Variants in SYNM observed in about 807,000 individuals in gnomAD.
The protein encoded by SYNM is synemin, also known as desmuslin.
In SYNM, 95 loss-of-function variants were observed where a neutral mutation model predicts 104.0. The observed-to-expected ratio is 0.91, with a 90% CI of 0.77 to 1.08. The LOEUF is 1.08. Ranked by LOEUF, SYNM falls within the 50% of genes least tolerant of loss-of-function variation. SYNM has a pLI of 0.00. For missense variants in SYNM, 2,150 were observed against 2,052.2 expected, an observed-to-expected ratio of 1.05 and a Z score of -0.92; for synonymous variants, 918 against 869.0, an observed-to-expected ratio of 1.06 and a Z score of -0.99.
chr15:99,138,150 G>A (rs1211316219), downstream of SYNM: 2 of 1,610,636 alleles, frequency 1.2e-6, no homozygotes, highest in East Asian at 2.2e-5. Flanking sequence ...AGAGGGTGGG[G>A]TGAGTGTGGT....
At position 99,131,856 on chromosome 15, in the gene SYNM, G is replaced by T. The variant is rs184591529; in HGVS notation, c.3496G>T (p.Gly1166Ter). Residue 1166 changes from glycine (G) to a stop codon, truncating the protein, a stop_gained, in exon 4 of 4, where the codon GGA becomes TGA. Coordinates refer to ENST00000336292, the MANE Select transcript of SYNM (RefSeq NM_145728.3). LOFTEE classifies it high-confidence loss of function. The surrounding 1 kb of genome is among the most constrained non-coding windows in gnomAD (Gnocchi z 4.3). ...CCTAAGTCAGGCAGCGAGCCCGACC[G>T]GAGCCAGCCGGTCTGTGAGGCATGT... The part of the protein sequence containing the change: ...GDLSQAASPT[G>*]ASRSVRHVTL... The T allele has an allele frequency of 1.9e-6, 3 of 1,613,742 alleles. No homozygotes were observed. Among genetic ancestry groups the T allele is most frequent in the Non-Finnish European group, 2.5e-6 (3 of 1,179,904 alleles).
intron 2 of SYNM, 112 bp downstream of exon 2, chr15:99,113,827 C>G: frequency 6.8e-7 from 1 of 1,466,698 alleles, no homozygotes; most frequent in Non-Finnish European, 9.1e-7. Context: ...GGCTTTGTGA[C>G]AAGCAGAGAG....
chr15:99,132,624 CCCGTGT>C lies in SYNM; in HGVS notation c.4267_4272del (p.Val1423_Ser1424del). 6.2e-7 allele frequency: 1 copy of C among 1,614,022 alleles called. No individual in the cohort carries two copies. Among genetic ancestry groups the C allele is most frequent in the Non-Finnish European group, 8.5e-7 (1 of 1,179,900 alleles). On this transcript the variant is annotated inframe_deletion, in exon 4 of 4. Coordinates refer to ENST00000336292, the MANE Select transcript of SYNM (RefSeq NM_145728.3). ...CTCTGAACACATTGCCATCCGTGGA[CCCGTGT>C]CCAGAACATTTGTGCTTGCTGGTTC...
At chr15:99,127,067 G>A (rs1301762602) in intron 3 of SYNM, among the ~76,000 whole-genome samples, 1 of 152,202 alleles carries the variant, frequency 6.6e-6, no homozygotes, top group Non-Finnish European at 1.5e-5. Flanking sequence ...GGCAGTGTGA[G>A]GGCGAGCAGG....
chr15:99,129,907 T>G lies in SYNM; in HGVS notation c.1547T>G (p.Ile516Ser), dbSNP rs1555485489. Residue 516 changes from isoleucine (I) to serine (S), a missense_variant, in exon 4 of 4, where the codon ATC becomes AGC. Physicochemically the swap from Ile to Ser is moderately radical, Grantham distance 142. Transcript: ENST00000336292. ...CAAGAAAGAAACAGACCAGAAACCA[T>G]CCGAACAAAGCCAGAAGAGAAAATG... is the stretch of plus-strand genomic sequence containing the variant. The part of the protein sequence containing the change: ...REQERNRPET[I>S]RTKPEEKMFD... 6.2e-7 allele frequency: 1 copy of G among 1,612,178 alleles called. No homozygotes were observed. Among genetic ancestry groups the G allele is most frequent in the Admixed American group, 1.7e-5 (1 of 59,736 alleles).
At position 99,132,180 on chromosome 15, in the gene SYNM, A is replaced by G; in HGVS notation, c.3820A>G (p.Ser1274Gly). The change falls in exon 4 of 4, where the codon AGT (serine) becomes GGT (glycine). Residue 1274 changes from serine (S) to glycine (G), a missense_variant. Coordinates refer to ENST00000336292, the MANE Select transcript of SYNM (RefSeq NM_145728.3). ...QLQLGPKEGF[S>G]GQIQFTAPLS... ...CCAGTTAGGCCCTAAAGAAGGGTTC[A>G]GTGGGCAAATCCAGTTCACAGCTCC... 1 of 1,613,950 alleles carries G rather than the reference A, an allele frequency of 6.2e-7. No homozygotes were observed. The highest frequency in any genetic ancestry group is 1.1e-5 in the South Asian group (1 of 91,080).
chr15:99,123,303 G>GGTT (rs2067418145), intron 2 of SYNM, among the ~76,000 whole-genome samples: 1 of 145,938 alleles, frequency 6.9e-6, no homozygotes, highest in South Asian at 2.2e-4. Context: ...TGATTATCTG[G>GGTT]TTTTTTTTTT....
Position 99,132,508 on chromosome 15 carries a change from A to G in SYNM, c.4148A>G (p.Asp1383Gly), listed in dbSNP as rs782073123. ...QSVVSESPQE[D>G]SAEDTSGAEM... The stretch of plus-strand genomic sequence containing the variant: ...GTCGTTTCTGAATCTCCCCAGGAGG[A>G]TAGTGCAGAGGACACATCAGGGGCA... Residue 1383 changes from aspartate (D) to glycine (G), a missense_variant, in exon 4 of 4, where the codon GAT (aspartate) becomes GGT (glycine). By Grantham distance (94) the Asp-to-Gly change is moderately conservative. Coordinates refer to ENST00000336292, the MANE Select transcript of SYNM (RefSeq NM_145728.3). 40 of 1,614,032 alleles carry G rather than the reference A, an allele frequency of 2.5e-5. No homozygotes were observed. In the Middle Eastern group the frequency reaches 4.9e-4, roughly 20 times the overall value.
Position 99,105,799 on chromosome 15 carries a change from G to T in SYNM, c.600G>T (p.Gln200His). ...LVAESWRETV[Q>H]LYEDEVRELE... ...CCGAGTCGTGGCGGGAGACGGTGCA[G>T]CTGTACGAGGACGAGGTGCGCGAGC... Residue 200 changes from glutamine (Q) to histidine (H), a missense_variant, in exon 1 of 4, where the codon CAG becomes CAT. By Grantham distance (24) the Gln-to-His change is conservative. Transcript: ENST00000336292. 6.5e-7 allele frequency: 1 copy of T among 1,542,028 alleles called. No homozygotes were observed. Among genetic ancestry groups the T allele is most frequent in the Non-Finnish European group, 8.7e-7 (1 of 1,145,282 alleles).
In SYNM at chr15:99,105,161, G is replaced by T. The variant is rs782024622; in HGVS notation, c.-39G>T. 6.4e-7 allele frequency: 1 copy of T among 1,554,950 alleles called. No homozygotes were observed. On this transcript the variant is annotated 5_prime_UTR_variant, in exon 1 of 4. Coordinates refer to ENST00000336292, the MANE Select transcript of SYNM (RefSeq NM_145728.3). ...GACCGGGACAAGACCAGGGCAGGAG[G>T]GAGCCGGCCAGCCGCGAGAACCCCG...
At chr15:99,123,200 G>A (rs2067417027) in intron 2 of SYNM, among the ~76,000 whole-genome samples, 1 of 152,072 alleles carries the variant, frequency 6.6e-6, no homozygotes, top group Non-Finnish European at 1.5e-5. Context: ...ACTAGGAAGT[G>A]GCAGGTCTCA....
chr15:99,132,575 AC>A lies in SYNM; in HGVS notation c.4216del (p.Leu1406Ter). On this transcript the variant is annotated frameshift_variant, in exon 4 of 4. Transcript: ENST00000336292. LOFTEE classifies it high-confidence loss of function. ...GVSRSFRHIR[L>X]GPTETETSEH... The stretch of plus-strand genomic sequence containing the variant: ...TTAGCAGATCCTTTAGGCACATTCG[AC>A]TAGGTCCTACAGAAACGGAAACCTC... 6.2e-7 allele frequency: 1 copy of A among 1,614,016 alleles called. No individual in the cohort carries two copies. The highest frequency in any genetic ancestry group is 8.5e-7 in the Non-Finnish European group (1 of 1,179,884).
At chr15:99,136,366 C>CT (rs2151814352), downstream of SYNM, 1 of 152,402 alleles carries the variant, frequency 6.6e-6, no homozygotes, top group South Asian at 2.1e-4. Flanking sequence ...GGCATGGACT[C>CT]TCAGTTCAGG....
At chr15:99,139,592 C>G (rs2067981213), downstream of SYNM, 1 of 1,535,072 alleles carries the variant, frequency 6.5e-7, no homozygotes, top group African/African-American at 1.4e-5. Flanking sequence ...CAAAAGTGAA[C>G]AGTTTTAGCA....
In SYNM at chr15:99,105,281, C is replaced by A. The variant is rs1284913197; in HGVS notation, c.82C>A (p.Arg28=). The A allele has an allele frequency of 3.2e-6, 5 of 1,557,158 alleles. No homozygotes were observed. Among genetic ancestry groups the A allele is most frequent in the Non-Finnish European group, 4.3e-6 (5 of 1,151,536 alleles). The change falls in exon 1 of 4, where the codon CGG becomes AGG. Residue 28 remains arginine (R), a synonymous_variant. Transcript: ENST00000336292. ...CGCCCGGCTCTATGACTACGTGTGTCGGGTGCGGGAGCTGGAGCGCGAAAA... is the reference window on the plus strand; with the variant it reads ...CGCCCGGCTCTATGACTACGTGTGTAGGGTGCGGGAGCTGGAGCGCGAAAA... The part of the protein sequence containing the change: ...LNARLYDYVC[R]VRELERENLL...
intron 3 of SYNM, chr15:99,129,071 G>T: frequency 2.8e-6 from 1 of 352,022 alleles, no homozygotes; most frequent in Non-Finnish European, 5.2e-6. Context: ...GACCTCTCTG[G>T]GATATGCATT....
rs781788715 is a variant in SYNM, at chr15:99,106,004, C to T, written c.805C>T (p.Arg269Trp). The change falls in exon 1 of 4, where the codon CGG (arginine) becomes TGG (tryptophan). Residue 269 changes from arginine (R) to tryptophan (W), a missense_variant. By Grantham distance (101) the Arg-to-Trp change is moderately radical. Coordinates refer to ENST00000336292, the MANE Select transcript of SYNM (RefSeq NM_145728.3). ...REEYGIQAEE[R>W]QRVIDCLEDE... is the part of the protein sequence containing the mutation. ...GGAGTACGGGATACAGGCCGAGGAG[C>T]GGCAGGTCCGTGCGCGGGGATGGCG... 2 of 1,458,728 alleles carry T rather than the reference C, an allele frequency of 1.4e-6. No individual in the cohort carries two copies. Among genetic ancestry groups the T allele is most frequent in the Admixed American group, 2.4e-5 (1 of 42,198 alleles). The allele number at this position is 1,458,728 out of a possible 1,614,324, so 90.4% of individuals were successfully genotyped here. A position where few individuals can be genotyped will look rare whatever the true frequency, so the allele number is the denominator to read the frequency against.
At position 99,131,510 on chromosome 15, in the gene SYNM, A is replaced by C; in HGVS notation, c.3150A>C (p.Pro1050=). The change falls in exon 4 of 4, where the codon CCA becomes CCC. Residue 1050 remains proline (P), a synonymous_variant. Transcript: ENST00000336292. The surrounding 1 kb of genome is among the most constrained non-coding windows in gnomAD (Gnocchi z 4.3). The part of the protein sequence containing the change: ...SRQRSPAPGS[P]DEEGGAEAPA... ...AACGCAGCCCAGCGCCTGGCAGCCCAGATGAGGAAGGTGGAGCGGAGGCCC... is the reference window on the plus strand; with the variant it reads ...AACGCAGCCCAGCGCCTGGCAGCCCCGATGAGGAAGGTGGAGCGGAGGCCC... 6.2e-7 allele frequency: 1 copy of C among 1,607,208 alleles called. No individual in the cohort carries two copies. The highest frequency in any genetic ancestry group is 8.5e-7 in the Non-Finnish European group (1 of 1,179,628).
chr15:99,134,745 G>A lies in SYNM; in HGVS notation c.*1687G>A, dbSNP rs2067549631. On this transcript the variant is annotated 3_prime_UTR_variant, in exon 4 of 4. Coordinates refer to ENST00000336292, the MANE Select transcript of SYNM (RefSeq NM_145728.3). The stretch of plus-strand genomic sequence containing the variant: ...CACGTTTTCTTCATTGATAAGTGGA[G>A]GAGAAATGCAGCACAGCTTTCAAGA... 1 of 152,182 alleles carries A rather than the reference G, an allele frequency of 6.6e-6. No homozygotes were observed. Among genetic ancestry groups the A allele is most frequent in the Non-Finnish European group, 1.5e-5 (1 of 68,046 alleles). The allele number at this position is 152,182 out of a possible 1,614,324, so 9.4% of individuals were successfully genotyped here.
Sources: allele counts gnomAD v4.1 joint callset (sites outside exome capture counted in the v4.1 genomes callset), GRCh38; gene constraint gnomAD v4.1.1; non-coding constraint Gnocchi (gnomAD v3.1); transcripts MANE v1.5; gene names NCBI Gene and HGNC (gene_info 2026-07-23, HGNC 2026-07-21).